The following ADCK1 variants were observed in gnomAD, a reference collection of about 807,000 sequenced individuals.
ADCK1 encodes the protein aarF domain-containing protein kinase 1.
In ADCK1, 41 loss-of-function variants were observed where a neutral mutation model predicts 52.3. The observed-to-expected ratio is 0.78, with a 90% CI of 0.61 to 1.02. The LOEUF is 1.02. Among genes scored for constraint, ADCK1 ranks in the 50% least tolerant of loss-of-function variants. ADCK1 has a pLI of 0.00. For synonymous variants in ADCK1, 250 were observed against 274.6 expected (o/e 0.91, Z 0.89); for missense variants, 658 against 679.5 (o/e 0.97, Z 0.35).
intron 4 of ADCK1, among the ~76,000 whole-genome samples, chr14:77,868,864 G>A (rs1199451517): frequency 1.3e-5 from 2 of 152,170 alleles, no homozygotes; most frequent in East Asian, 3.8e-4. Flanking sequence ...TTAAAGCTGT[G>A]CCCCTCCCTC....
At chr14:77,865,680 G>A (rs918722030) in intron 4 of ADCK1, among the ~76,000 whole-genome samples, 1 of 152,224 alleles carries the variant, frequency 6.6e-6, no homozygotes, top group African/African-American at 2.4e-5. Context: ...AGCCTTGGCG[G>A]TAGACAGGAG....
chr14:77,928,696 G>T (rs559113226), intron 9 of ADCK1, among the ~76,000 whole-genome samples: 1 of 152,218 alleles, frequency 6.6e-6, no homozygotes, highest in African/African-American at 2.4e-5. Flanking sequence ...TCCTGACCTT[G>T]TGATACACCC....
intron 6 of ADCK1, among the ~76,000 whole-genome samples, chr14:77,904,274 G>A (rs1203063992): frequency 6.6e-6 from 1 of 152,204 alleles, no homozygotes; most frequent in Non-Finnish European, 1.5e-5. Flanking sequence ...GGGAAATGGG[G>A]GCGGAGGTGG....
rs754700465 is a variant in ADCK1 at position 77,822,525 on chromosome 14, A to G, written c.219+7A>G. 5.7e-5 allele frequency: 92 copies of G among 1,609,746 alleles called. No individual in the cohort carries two copies. Among genetic ancestry groups the G allele is most frequent in the Non-Finnish European group, 7.5e-5 (88 of 1,176,106 alleles). The stretch of plus-strand genomic sequence containing the variant: ...CTTGCAGCTGAGATCTAAGGTAAGT[A>G]ACCCATGGGACCCATCTGAGCCAGG... On this transcript the variant is annotated splice_region_variant and intron_variant, in intron 3 of 10. Coordinates refer to ENST00000238561, the MANE Select transcript of ADCK1 (RefSeq NM_020421.4).
chr14:77,931,771 T>C, intron 10 of ADCK1, 60 bp downstream of exon 10: 1 of 1,531,444 alleles, frequency 6.5e-7, no homozygotes, highest in Non-Finnish European at 8.8e-7. Flanking sequence ...CCAGGGGTCC[T>C]GCTTTTGCTG....
At chr14:77,807,025 A>T (rs1035025176) in intron 1 of ADCK1, among the ~76,000 whole-genome samples, 4 of 118,158 alleles carry the variant, frequency 3.4e-5, no homozygotes, top group African/African-American at 1.3e-4. Flanking sequence ...TAAGATAGCC[A>T]CTCTCTCTCT....
rs200187342 is a variant in ADCK1 at position 77,886,208 on chromosome 14, G to A, written c.424-883G>A. Among the ~76,000 whole-genome samples, 4 of 152,306 alleles carry A rather than the reference G, an allele frequency of 2.6e-5. No homozygotes were observed. In the East Asian group the frequency reaches 7.7e-4, roughly 29 times the overall value. ...GACCCATGTTGAGGCTGCTGCTCAG[G>A]CCGGAACAAAAGGCAGTTGTTGGTC... On this transcript the variant is annotated intron_variant, in intron 4 of 10. Transcript: ENST00000238561.
At chr14:77,878,808 T>G (rs2082954835) in intron 4 of ADCK1, among the ~76,000 whole-genome samples, 1 of 152,210 alleles carries the variant, frequency 6.6e-6, no homozygotes, top group African/African-American at 2.4e-5. Context: ...GCTGAAAGAT[T>G]AGATTTATGA....
At chr14:77,903,434 G>T (rs183140454) in intron 6 of ADCK1, among the ~76,000 whole-genome samples, 1 of 152,344 alleles carries the variant, frequency 6.6e-6, no homozygotes, top group Admixed American at 6.5e-5. Context: ...AAGAACCTCA[G>T]CCCTGTGCTA....
At chr14:77,881,992 TGGGGCAGGTCCCTGGGAAGTGGTAC>T (rs1268816374) in intron 4 of ADCK1, among the ~76,000 whole-genome samples, 3 of 152,174 alleles carry the variant, frequency 2.0e-5, no homozygotes, top group Non-Finnish European at 4.4e-5. Flanking sequence ...TAGGGGTATC[TGGGGCAGGTCCCTGGGAAGTGGTAC>T]GGGGAGAACT....
chr14:77,927,934 G>C (rs760811519), intron 9 of ADCK1, among the ~76,000 whole-genome samples: 1 of 152,226 alleles, frequency 6.6e-6, no homozygotes, highest in African/African-American at 2.4e-5. Context: ...GAGCAGGAGA[G>C]GGAGATGCCC....
intron 6 of ADCK1, among the ~76,000 whole-genome samples, chr14:77,904,713 T>C (rs1335227746): frequency 6.6e-6 from 1 of 152,164 alleles, no homozygotes; most frequent in Non-Finnish European, 1.5e-5. Flanking sequence ...GGGAGGCCTC[T>C]GCTCTGTGGC....
chr14:77,898,343 A>T (rs1230162642), intron 5 of ADCK1, among the ~76,000 whole-genome samples: 1 of 152,160 alleles, frequency 6.6e-6, no homozygotes, highest in Non-Finnish European at 1.5e-5. Context: ...GTAGTAAGTA[A>T]AGTGCTTAGT....
In ADCK1 at chr14:77,925,953, G is replaced by A. The variant is rs543231974; in HGVS notation, c.1198G>A (p.Ala400Thr). 498 of 1,614,006 alleles carry A rather than the reference G, an allele frequency of 3.1e-4. 11 individuals carry two copies. In the South Asian group the frequency reaches 4.9e-3, roughly 16 times the overall value. ...AGGCATCAGCCAAGCTCCCGTCACT[G>A]CCACTGAGGTAGGGGGCCCCTCCAG... ...NRGISQAPVT[A>T]TEDLEIRNNA... Residue 400 changes from alanine to threonine, a missense_variant, in exon 9 of 11, where the codon GCC becomes ACC. By Grantham distance (58) the Ala-to-Thr change is moderately conservative (BLOSUM62 0). Transcript: ENST00000238561.
At chr14:77,838,461 A>G (rs532104563) in intron 3 of ADCK1, among the ~76,000 whole-genome samples, 18 of 152,164 alleles carry the variant, frequency 1.2e-4, no homozygotes, top group Middle Eastern at 3.4e-3. Flanking sequence ...CAGTGGTGCA[A>G]TCATGGCTCA....
chr14:77,826,690 G>T (rs1386259931), intron 3 of ADCK1, among the ~76,000 whole-genome samples: 1 of 152,194 alleles, frequency 6.6e-6, no homozygotes, highest in Non-Finnish European at 1.5e-5. Context: ...TCTGATGAGG[G>T]TTTGTGATGT....
intron 5 of ADCK1, among the ~76,000 whole-genome samples, chr14:77,892,018 C>T (rs2083293452): frequency 1.3e-5 from 2 of 152,158 alleles, no homozygotes; most frequent in Admixed American, 1.3e-4. Flanking sequence ...AACTTAGGGA[C>T]AGAGAGGAGG....
intron 9 of ADCK1, among the ~76,000 whole-genome samples, chr14:77,928,604 G>A (rs950170589): frequency 1.3e-5 from 2 of 151,992 alleles, no homozygotes; most frequent in Non-Finnish European, 2.9e-5. Context: ...TGGGATTACA[G>A]GCATGTGCCA....
chr14:77,812,667 G>A (rs1381922335), intron 1 of ADCK1, among the ~76,000 whole-genome samples: 3 of 152,022 alleles, frequency 2.0e-5, no homozygotes, highest in Admixed American at 6.6e-5. Flanking sequence ...TTAGCTCACT[G>A]CAACTTCTGC....
Sources: gnomAD v4.1 joint callset for allele counts (sites outside exome capture counted in the v4.1 genomes callset) on GRCh38, gnomAD v4.1.1 for gene constraint, MANE v1.5 for transcripts, NCBI Gene and HGNC (gene_info 2026-07-23, HGNC 2026-07-21) for gene names.